CENPK: variants seen among roughly 807,000 people sequenced by gnomAD.
The protein encoded by CENPK is centromere protein K.
In CENPK, 46 loss-of-function variants were observed where a neutral mutation model predicts 40.9. The ratio of observed to expected loss-of-function variants is 1.13; its 90% CI spans 0.89 to 1.44. The LOEUF is 1.44. Among genes scored for constraint, CENPK ranks in the 40% most tolerant of loss-of-function variants. CENPK has a pLI of 0.00. For synonymous variants in CENPK, 107 were observed against 104.4 expected (o/e 1.02, Z -0.15); for missense variants, 288 against 303.5 (o/e 0.95, Z 0.38).
Position 65,554,941 on chromosome 5 carries a change from G to A in CENPK, c.-34C>T. 1 of 1,291,614 alleles carries A rather than the reference G, an allele frequency of 7.7e-7. No homozygotes were observed. Among genetic ancestry groups the A allele is most frequent in the Non-Finnish European group, 1.1e-6 (1 of 894,976 alleles). The allele number at this position is 1,291,614 out of a possible 1,614,324, so 80.0% of individuals were successfully genotyped here. On this transcript the variant is annotated 5_prime_UTR_variant, in exon 3 of 11. Transcript: ENST00000396679. ...GCTTTGTGAATTTTTAGCCTTATAA[G>A]AAAAACTAAAGCAAAAAATATTTAT...
chr5:65,562,424 G>A (rs547045940), intron 1 of CENPK, among the ~76,000 whole-genome samples: 3 of 152,128 alleles, frequency 2.0e-5, no homozygotes, highest in Admixed American at 6.5e-5. Context: ...ACTATGGGGG[G>A]GCAGTTCCTT....
intron 6 of CENPK, among the ~76,000 whole-genome samples, chr5:65,534,014 C>T (rs369693785): frequency 7.9e-6 from 1 of 125,872 alleles, no homozygotes; most frequent in Admixed American, 1.1e-4. Context: ...CACCACTGCA[C>T]TCTAGCCTGG....
At chr5:65,554,203 A>T (rs1750602047) in intron 3 of CENPK, among the ~76,000 whole-genome samples, 1 of 150,288 alleles carries the variant, frequency 6.7e-6, no homozygotes, top group Admixed American at 6.7e-5. Flanking sequence ...GTGCAGTGGC[A>T]CTATCTCGGC....
At chr5:65,511,176 T>G in the CENPK span, among the ~76,000 whole-genome samples, 30,100 of 152,132 alleles carry the variant, frequency 0.2, 3,509 homozygotes, top group South Asian at 0.32. Context: ...GTGAGGAAGC[T>G]GCAAAAGAAA....
intron 9 of CENPK, 130 bp from the exon 10 acceptor site, chr5:65,521,658 T>C: frequency 1.5e-6 from 1 of 656,030 alleles, no homozygotes; most frequent in South Asian, 1.9e-5. Flanking sequence ...TGGAGTGCAA[T>C]GGCGCAATCT....
chr5:65,500,276 G>A, the CENPK span, among the ~76,000 whole-genome samples: 1 of 103,634 alleles, frequency 9.6e-6, no homozygotes, highest in African/African-American at 3.8e-5. Context: ...CTAGTTTACA[G>A]TCCCACCAAC....
the CENPK span, among the ~76,000 whole-genome samples, chr5:65,511,502 C>T: frequency 3.3e-5 from 5 of 152,158 alleles, no homozygotes; most frequent in African/African-American, 1.2e-4. Context: ...TAAGTTAAAA[C>T]CAGTGCTCGT....
intron 4 of CENPK, among the ~76,000 whole-genome samples, chr5:65,551,948 C>T (rs1047721845): frequency 2.5e-4 from 38 of 151,134 alleles, no homozygotes; most frequent in South Asian, 2.1e-4. Context: ...CAAAGTTAGC[C>T]GCCTTTGTTC....
chr5:65,553,869 C>T (rs1208095360), intron 3 of CENPK, among the ~76,000 whole-genome samples: 2 of 152,134 alleles, frequency 1.3e-5, no homozygotes, highest in Admixed American at 1.3e-4. Flanking sequence ...GTAATTTTCC[C>T]AAACCGCATA....
chr5:65,514,710 T>C (rs1742746357), downstream of CENPK, among the ~76,000 whole-genome samples: 1 of 152,228 alleles, frequency 6.6e-6, no homozygotes. Flanking sequence ...TGCTTTGTTT[T>C]GGAAGCTCAT....
intron 2 of CENPK, 74 bp from the exon 3 acceptor site, chr5:65,555,020 G>T: frequency 1.4e-6 from 1 of 716,160 alleles, no homozygotes. Context: ...TCATCTAGGG[G>T]GTAAGAATAT....
In CENPK at chr5:65,521,475, C is replaced by G. The variant is rs777984796; in HGVS notation, c.651G>C (p.Glu217Asp). The change falls in exon 10 of 11, where the codon GAG (glutamate) becomes GAC (aspartate). Residue 217 changes from glutamate (E) to aspartate (D), a missense_variant and splice_region_variant. By Grantham distance (45) the Glu-to-Asp change is conservative. Coordinates refer to ENST00000396679, the MANE Select transcript of CENPK (RefSeq NM_022145.5). ...VNLITLHEML[E>D]ILINRLFDVP... Reference sequence around the variant, plus strand: ...AAAACAAACTACACAAAACACTTACCTCTAACATTTCATGCAGTGTTATCA... The same window carrying G: ...AAAACAAACTACACAAAACACTTACGTCTAACATTTCATGCAGTGTTATCA... 14 of 1,607,828 alleles carry G rather than the reference C, an allele frequency of 8.7e-6. No homozygotes were observed. The African/African-American group carries it at 1.9e-4, about 22-fold the overall frequency.
chr5:65,555,014 C>T, intron 2 of CENPK, 68 bp from the exon 3 acceptor site: 1 of 738,752 alleles, frequency 1.4e-6, no homozygotes, highest in Admixed American at 2.3e-5. Flanking sequence ...AGATACTCAT[C>T]TAGGGGGTAA....
chr5:65,552,712 A>C (rs561901380), intron 3 of CENPK, among the ~76,000 whole-genome samples, 163 bp from the exon 4 acceptor site: 1 of 152,276 alleles, frequency 6.6e-6, no homozygotes, highest in African/African-American at 2.4e-5. Context: ...CGATTAAGGC[A>C]GCCAAACAAG....
In CENPK at chr5:65,521,511, T is replaced by C; in HGVS notation, c.615A>G (p.Ser205=). Residue 205 remains serine, a synonymous_variant, in exon 10 of 11, where the codon TCA becomes TCG. Coordinates refer to ENST00000396679, the MANE Select transcript of CENPK (RefSeq NM_022145.5). Reference sequence around the variant, plus strand: ...CATGCAGTGTTATCAGGTTTACAGATGATTCTTGAATGTTTTTCTTCAAGA... The same window carrying C: ...CATGCAGTGTTATCAGGTTTACAGACGATTCTTGAATGTTTTTCTTCAAGA... ...VKKKKKNIQE[S]SVNLITLHEM... The C allele has an allele frequency of 1.9e-6, 3 of 1,608,252 alleles. No homozygotes were observed. The highest frequency in any genetic ancestry group is 1.1e-5 in the South Asian group (1 of 90,512).
the CENPK span, among the ~76,000 whole-genome samples, chr5:65,502,127 G>A: frequency 2.0e-5 from 3 of 152,172 alleles, no homozygotes; most frequent in African/African-American, 4.8e-5. Flanking sequence ...GGACAGGGGT[G>A]GTGGTAGGGT....
the CENPK span, among the ~76,000 whole-genome samples, chr5:65,503,885 T>C: frequency 6.6e-6 from 1 of 151,882 alleles, no homozygotes; most frequent in Non-Finnish European, 1.5e-5. Context: ...CTAGAACTCC[T>C]GACCTCGTGA....
At chr5:65,544,524 T>C (rs1748546935) in intron 5 of CENPK, among the ~76,000 whole-genome samples, 1 of 152,158 alleles carries the variant, frequency 6.6e-6, no homozygotes, top group African/African-American at 2.4e-5. Context: ...GATCCACTAT[T>C]TCTGGTAGAC....
At chr5:65,554,233 C>T (rs1356255830) in intron 3 of CENPK, among the ~76,000 whole-genome samples, 1 of 152,022 alleles carries the variant, frequency 6.6e-6, no homozygotes, top group African/African-American at 2.4e-5. Flanking sequence ...CATCCGCCTC[C>T]TGGGTTCAAG....
Sources: gnomAD v4.1 joint callset for allele counts (sites outside exome capture counted in the v4.1 genomes callset) on GRCh38, gnomAD v4.1.1 for gene constraint, MANE v1.5 for transcripts, NCBI Gene and HGNC (gene_info 2026-07-23, HGNC 2026-07-21) for gene names.